The following JAKMIP2 variants were observed in gnomAD, a reference collection of about 807,000 sequenced individuals.
JAKMIP2 encodes janus kinase and microtubule interacting protein 2.
JAKMIP2 carries 25 observed loss-of-function variants against 115.0 expected under a neutral mutation model. The ratio of observed to expected loss-of-function variants is 0.22; its 90% CI spans 0.16 to 0.30. The LOEUF (loss-of-function observed/expected upper bound fraction) is 0.30, where lower values mean the gene tolerates loss of function less well. Ranked by LOEUF, JAKMIP2 falls within the 10% of genes least tolerant of loss-of-function variation. The probability of loss-of-function intolerance (pLI) is 1.00; values close to 1 mark genes in which losing one functional copy is unlikely to be tolerated. For missense variants in JAKMIP2, 642 were observed against 957.6 expected (o/e 0.67, Z 4.35); for synonymous variants, 334 against 343.6 (o/e 0.97, Z 0.31).
intron 19 of JAKMIP2, among the ~76,000 whole-genome samples, chr5:147,613,816 T>C (rs2126633179): frequency 6.6e-6 from 1 of 152,328 alleles, no homozygotes; most frequent in South Asian, 2.1e-4. Flanking sequence ...CTAAGGTTTG[T>C]GCAACAAGAG....
intron 17 of JAKMIP2, 119 bp from the exon 18 acceptor site, chr5:147,620,862 G>A (rs1756815838): frequency 4.4e-6 from 3 of 687,662 alleles, no homozygotes; most frequent in Non-Finnish European, 7.3e-6. Flanking sequence ...TATTTGTAGA[G>A]TCATAAATTT....
At chr5:147,719,320 T>C (rs1221394378) in intron 1 of JAKMIP2, among the ~76,000 whole-genome samples, 1 of 137,740 alleles carries the variant, frequency 7.3e-6, no homozygotes, top group Non-Finnish European at 1.5e-5. Flanking sequence ...AAAATGTATA[T>C]TCTGTTGATT....
chr5:147,675,197 G>A (rs1017266946), intron 1 of JAKMIP2, among the ~76,000 whole-genome samples: 2 of 152,036 alleles, frequency 1.3e-5, no homozygotes, highest in Admixed American at 6.6e-5. Flanking sequence ...TTTTTAGCCT[G>A]GGAATTATTG....
intron 1 of JAKMIP2, among the ~76,000 whole-genome samples, chr5:147,721,591 G>A (rs1274298964): frequency 5.9e-5 from 9 of 152,266 alleles, no homozygotes; most frequent in Non-Finnish European, 8.8e-5. Flanking sequence ...CGCAGTATTC[G>A]GGTGGGAGTG....
At chr5:147,651,797 T>C (rs4147461) in intron 3 of JAKMIP2, among the ~76,000 whole-genome samples, 38,413 of 152,062 alleles carry the variant, frequency 0.25, 6,133 homozygotes, top group East Asian at 0.46. Context: ...TTGGTAAGAA[T>C]TCAATATTGT....
intron 1 of JAKMIP2, among the ~76,000 whole-genome samples, chr5:147,682,940 G>C (rs1760368597): frequency 6.6e-6 from 1 of 152,154 alleles, no homozygotes; most frequent in South Asian, 2.1e-4. Context: ...TCTGGATTTA[G>C]AAGGCTTTTG....
At chr5:147,631,339 G>GT (rs1482614903) in intron 14 of JAKMIP2, 74 bp downstream of exon 14, 2 of 848,416 alleles carry the variant, frequency 2.4e-6, no homozygotes, top group Non-Finnish European at 3.7e-6. Context: ...CAAAATAGTC[G>GT]TAAGTAACCT....
intron 1 of JAKMIP2, among the ~76,000 whole-genome samples, chr5:147,696,915 G>T (rs1391743167): frequency 6.6e-6 from 1 of 152,202 alleles, no homozygotes; most frequent in Non-Finnish European, 1.5e-5. Context: ...GAACTTGGGA[G>T]AGATGATTTA....
chr5:147,632,587 T>C, intron 13 of JAKMIP2, 93 bp downstream of exon 13: 1 of 810,898 alleles, frequency 1.2e-6, no homozygotes, highest in Non-Finnish European at 2.0e-6. Flanking sequence ...AGTATGAATC[T>C]GAAATGCTTA....
chr5:147,639,853 G>C (rs538607183), intron 9 of JAKMIP2, 93 bp from the exon 10 acceptor site: 1,176 of 1,439,862 alleles, frequency 8.2e-4, no homozygotes, highest in Non-Finnish European at 9.4e-4. Context: ...CTTTTTACAA[G>C]AAGTAAAAGG....
At chr5:147,756,810 A>G (rs1202236962) in intron 1 of JAKMIP2, among the ~76,000 whole-genome samples, 1 of 152,128 alleles carries the variant, frequency 6.6e-6, no homozygotes, top group African/African-American at 2.4e-5. Flanking sequence ...ACACAGGTGC[A>G]CAACAGAGAA....
At chr5:147,774,225 G>GA (rs1755470274) in intron 1 of JAKMIP2, among the ~76,000 whole-genome samples, 1 of 152,116 alleles carries the variant, frequency 6.6e-6, no homozygotes. Context: ...TTGGGTTTAG[G>GA]AAACTAGAAC....
At chr5:147,601,147 C>T (rs777908517) in intron 21 of JAKMIP2, among the ~76,000 whole-genome samples, 1 of 152,146 alleles carries the variant, frequency 6.6e-6, no homozygotes, top group Non-Finnish European at 1.5e-5. Flanking sequence ...ATTGTGACTT[C>T]CCAAAGTAAT....
chr5:147,637,281 C>A (rs1757658694), intron 10 of JAKMIP2, among the ~76,000 whole-genome samples: 1 of 152,064 alleles, frequency 6.6e-6, no homozygotes, highest in Non-Finnish European at 1.5e-5. Flanking sequence ...TATTTCCAAT[C>A]TTTTCCTACT....
At chr5:147,645,770 C>G (rs951256824) in intron 5 of JAKMIP2, among the ~76,000 whole-genome samples, 5 of 152,036 alleles carry the variant, frequency 3.3e-5, no homozygotes, top group African/African-American at 9.7e-5. Flanking sequence ...GCATCCTTGG[C>G]CTCTGCTGGC....
At position 147,591,153 on chromosome 5, in the gene JAKMIP2, A is replaced by G. The variant is rs1755080538; in HGVS notation, c.*554T>C. Reference sequence around the variant, plus strand: ...TGTAGTAAGAAACCAGACTTTTCAAATGAAACATTTTATTGTAAATAGCTC... The same window carrying G: ...TGTAGTAAGAAACCAGACTTTTCAAGTGAAACATTTTATTGTAAATAGCTC... On this transcript the variant is annotated 3_prime_UTR_variant, in exon 22 of 22. Transcript: ENST00000616793. The G allele has an allele frequency of 6.5e-6, 1 of 152,962 alleles. No homozygotes were observed. The highest frequency in any genetic ancestry group is 1.5e-5 in the Non-Finnish European group (1 of 68,296). 9.5% of individuals were successfully genotyped at this position (152,962 alleles called of 1,614,324 possible).
At chr5:147,766,146 C>A (rs775683333) in intron 1 of JAKMIP2, among the ~76,000 whole-genome samples, 5 of 152,164 alleles carry the variant, frequency 3.3e-5, no homozygotes, top group African/African-American at 1.2e-4. Flanking sequence ...TTCTCCCTCT[C>A]GGCCTCACTT....
At chr5:147,623,762 G>T in intron 16 of JAKMIP2, 73 bp from the exon 17 acceptor site, 1 of 890,434 alleles carries the variant, frequency 1.1e-6, no homozygotes, top group Non-Finnish European at 1.9e-6. Context: ...CCCCCATGAG[G>T]TGCTCCGTCT....
intron 1 of JAKMIP2, among the ~76,000 whole-genome samples, chr5:147,712,489 T>C (rs1752819996): frequency 1.3e-5 from 2 of 152,200 alleles, no homozygotes; most frequent in Non-Finnish European, 2.9e-5. Context: ...AGGACTCTTC[T>C]AAAATCATAT....
Sources: allele counts gnomAD v4.1 joint callset (sites outside exome capture counted in the v4.1 genomes callset), GRCh38; gene constraint gnomAD v4.1.1; transcripts MANE v1.5; gene names NCBI Gene and HGNC (gene_info 2026-07-23, HGNC 2026-07-21).